ACMSD: variants seen among roughly 807,000 people sequenced by gnomAD.
ACMSD encodes the protein aminocarboxymuconate semialdehyde decarboxylase.
ACMSD carries 37 observed loss-of-function variants against 45.9 expected under a neutral mutation model. The ratio of observed to expected loss-of-function variants is 0.81; its 90% CI spans 0.62 to 1.06. ACMSD has a LOEUF of 1.06. Ranked by LOEUF, ACMSD falls within the 50% of genes least tolerant of loss-of-function variation. The pLI, the probability that ACMSD is intolerant of heterozygous loss-of-function variation, is 0.00. For missense variants in ACMSD, 434 were observed against 420.9 expected (o/e 1.03, Z -0.27); for synonymous variants, 138 against 148.8 (o/e 0.93, Z 0.53).
intron 6 of ACMSD, among the ~76,000 whole-genome samples, chr2:134,870,719 G>A (rs1437531274): frequency 6.6e-6 from 1 of 152,104 alleles, no homozygotes; most frequent in African/African-American, 2.4e-5. Flanking sequence ...GGGAATTAGG[G>A]CAAAAACCAA....
At chr2:134,886,246 A>ATTATTATTTTTTTTTTTTTTTTTTTTTT in intron 8 of ACMSD, among the ~76,000 whole-genome samples, 5 of 115,476 alleles carry the variant, frequency 4.3e-5, no homozygotes, top group African/African-American at 1.4e-4. Context: ...TATTATTATT[A>ATTATTATTTTTTTTTTTTTTTTTTTTTT]TTTTTTTTTT....
intron 2 of ACMSD, among the ~76,000 whole-genome samples, chr2:134,846,765 C>T (rs1687071533): frequency 6.6e-6 from 1 of 152,142 alleles, no homozygotes; most frequent in South Asian, 2.1e-4. Flanking sequence ...GGCCCACCAA[C>T]CTAGACACTG....
chr2:134,892,115 C>T (rs975735483), intron 8 of ACMSD, among the ~76,000 whole-genome samples: 5 of 152,032 alleles, frequency 3.3e-5, no homozygotes, highest in African/African-American at 9.7e-5. Flanking sequence ...TGAGAAATTA[C>T]TTACTGAGTG....
chr2:134,855,435 T>C (rs556857810), intron 2 of ACMSD, among the ~76,000 whole-genome samples: 1 of 152,256 alleles, frequency 6.6e-6, no homozygotes, highest in Non-Finnish European at 1.5e-5. Context: ...CCTGTTTTTT[T>C]GCATCACGTA....
At chr2:134,871,960 C>CAT (rs1688471794) in intron 7 of ACMSD, among the ~76,000 whole-genome samples, 1 of 142,054 alleles carries the variant, frequency 7.0e-6, no homozygotes, top group African/African-American at 2.6e-5. Flanking sequence ...TGCCTTCACT[C>CAT]TTTTTTTTTT....
intron 6 of ACMSD, among the ~76,000 whole-genome samples, chr2:134,869,838 G>A (rs1559053829): frequency 1.3e-5 from 2 of 152,110 alleles, no homozygotes; most frequent in South Asian, 2.1e-4. Flanking sequence ...CATTATGAAC[G>A]TAACTCTGAC....
chr2:134,877,445 A>G (rs1688794668), intron 8 of ACMSD: 3 of 152,252 alleles, frequency 2.0e-5, no homozygotes, highest in Admixed American at 2.0e-4. Context: ...TGAGACAGGC[A>G]AGGTGTCAGT....
intron 1 of ACMSD, among the ~76,000 whole-genome samples, chr2:134,838,945 C>T (rs149804430): frequency 2.8e-4 from 42 of 152,176 alleles, no homozygotes; most frequent in African/African-American, 9.6e-4. Context: ...GAAATAAGTG[C>T]TTTCTCAGAA....
At chr2:134,857,419 G>A (rs936847434) in intron 2 of ACMSD, among the ~76,000 whole-genome samples, 1 of 152,018 alleles carries the variant, frequency 6.6e-6, no homozygotes, top group Non-Finnish European at 1.5e-5. Flanking sequence ...CTCCAGTCTG[G>A]GCAACAGAAC....
At chr2:134,863,831 G>A (rs1687966717) in intron 5 of ACMSD, among the ~76,000 whole-genome samples, 200 bp downstream of exon 5, 1 of 152,132 alleles carries the variant, frequency 6.6e-6, no homozygotes, top group Admixed American at 6.5e-5. Context: ...CTGGTGGAAG[G>A]GTTCCTAGGC....
chr2:134,869,586 A>G (rs1237307303), intron 6 of ACMSD, among the ~76,000 whole-genome samples: 1 of 152,062 alleles, frequency 6.6e-6, no homozygotes, highest in African/African-American at 2.4e-5. Context: ...ATGCAACACA[A>G]ATACATTGAT....
chr2:134,868,451 C>CTTTTT (rs1170969126), intron 6 of ACMSD, among the ~76,000 whole-genome samples: 9 of 124,206 alleles, frequency 7.2e-5, no homozygotes, highest in Admixed American at 1.8e-4. Context: ...ATATTTTTTT[C>CTTTTT]TTTTTTTTTT....
chr2:134,843,411 A>G (rs1686898775), intron 1 of ACMSD, among the ~76,000 whole-genome samples: 1 of 152,240 alleles, frequency 6.6e-6, no homozygotes, highest in Admixed American at 6.5e-5. Context: ...GGGTGGAATA[A>G]GACTGGTATA....
intron 9 of ACMSD, among the ~76,000 whole-genome samples, chr2:134,899,004 C>T (rs1690344534): frequency 6.6e-6 from 1 of 151,964 alleles, no homozygotes. Flanking sequence ...CTTCAGTTTC[C>T]CTCTCCTTTG....
At chr2:134,896,037 A>C (rs1690129303) in intron 8 of ACMSD, among the ~76,000 whole-genome samples, 1 of 152,236 alleles carries the variant, frequency 6.6e-6, no homozygotes, top group Admixed American at 6.5e-5. Flanking sequence ...TGCCAATACA[A>C]TTCAGTGTGA....
intron 8 of ACMSD, chr2:134,877,642 A>T (rs1385691381): frequency 1.3e-5 from 2 of 149,184 alleles, no homozygotes; most frequent in Non-Finnish European, 3.0e-5. Context: ...AGAGTGAGTG[A>T]TCTGAGAGAG....
chr2:134,851,552 C>T (rs1327943589), intron 2 of ACMSD, among the ~76,000 whole-genome samples: 2 of 152,126 alleles, frequency 1.3e-5, no homozygotes, highest in African/African-American at 4.8e-5. Flanking sequence ...AAGCCATTCT[C>T]CTGCCTCAGG....
chr2:134,841,786 A>G (rs1428597699), intron 1 of ACMSD, among the ~76,000 whole-genome samples: 1 of 152,246 alleles, frequency 6.6e-6, no homozygotes, highest in Non-Finnish European at 1.5e-5. Context: ...TTATAAATGG[A>G]GCAAAAAATT....
chr2:134,894,967 C>A (rs1690015205), intron 8 of ACMSD, among the ~76,000 whole-genome samples: 1 of 152,036 alleles, frequency 6.6e-6, no homozygotes, highest in African/African-American at 2.4e-5. Flanking sequence ...ATTGAGGACA[C>A]AATTCCATTT....
Sources: gnomAD v4.1 joint callset for allele counts (sites outside exome capture counted in the v4.1 genomes callset) on GRCh38, gnomAD v4.1.1 for gene constraint, MANE v1.5 for transcripts, NCBI Gene and HGNC (gene_info 2026-07-23, HGNC 2026-07-21) for gene names.